Variants in CDH4 observed in about 807,000 individuals in gnomAD.
CDH4 encodes the protein cadherin 4, also known as cadherin-4.
Under a neutral mutation model 86.0 loss-of-function variants are expected in CDH4, and 33 were observed. That is an observed-to-expected ratio of 0.38 (90% CI 0.29 to 0.51). The LOEUF is 0.51. Ranked by LOEUF, CDH4 falls within the 20% of genes least tolerant of loss-of-function variation. The pLI is 0.86. For synonymous variants in CDH4, 555 were observed against 549.4 expected (o/e 1.01, Z -0.14); for missense variants, 1,114 against 1,307.4 (o/e 0.85, Z 2.28).
chr20:61,551,690 A>T (rs931470925), intron 2 of CDH4, among the ~76,000 whole-genome samples: 4 of 152,212 alleles, frequency 2.6e-5, no homozygotes, highest in African/African-American at 7.2e-5. Context: ...AGATGAAAAC[A>T]CACTACTGTG....
intron 2 of CDH4, among the ~76,000 whole-genome samples, chr20:61,382,739 C>T (rs1422231748): frequency 2.0e-5 from 3 of 152,120 alleles, no homozygotes; most frequent in South Asian, 2.1e-4. Context: ...TGGTTCTCCT[C>T]GGGTGCACCT....
intron 8 of CDH4, among the ~76,000 whole-genome samples, chr20:61,897,643 C>G (rs1406880): frequency 0.93 from 141,923 of 152,268 alleles, 66,597 homozygotes; most frequent in African/African-American, 0.99. Context: ...CCCTGGGGCT[C>G]CTCCTCCTGG....
intron 2 of CDH4, among the ~76,000 whole-genome samples, chr20:61,327,370 A>C (rs551788614): frequency 3.3e-5 from 5 of 152,174 alleles, no homozygotes; most frequent in Non-Finnish European, 5.9e-5. Flanking sequence ...CCCACAACTC[A>C]ATTTGGTGGA....
intron 2 of CDH4, among the ~76,000 whole-genome samples, chr20:61,305,576 C>A (rs1374517216): frequency 1.3e-5 from 2 of 152,232 alleles, no homozygotes; most frequent in African/African-American, 4.8e-5. Flanking sequence ...TCCCTTGATT[C>A]TTTTCAATTC....
intron 2 of CDH4, among the ~76,000 whole-genome samples, chr20:61,320,682 T>C (rs1384186451): frequency 6.6e-6 from 1 of 152,042 alleles, no homozygotes; most frequent in South Asian, 2.1e-4. Flanking sequence ...CAGAGAACCC[T>C]TCAGCCCCAG....
chr20:61,725,842 T>A (rs570463450), intron 2 of CDH4, among the ~76,000 whole-genome samples: 1 of 152,136 alleles, frequency 6.6e-6, no homozygotes, highest in Non-Finnish European at 1.5e-5. Flanking sequence ...CACCTGAGCC[T>A]TAATTGCAAG....
intron 2 of CDH4, among the ~76,000 whole-genome samples, chr20:61,649,725 G>C (rs574424696): frequency 1.3e-5 from 2 of 152,300 alleles, no homozygotes; most frequent in African/African-American, 4.8e-5. Flanking sequence ...AAGCGTTTGT[G>C]TTTGTGATTA....
At chr20:61,727,529 G>T (rs780443612) in intron 2 of CDH4, among the ~76,000 whole-genome samples, 16 of 152,284 alleles carry the variant, frequency 1.1e-4, no homozygotes, top group Non-Finnish European at 1.6e-4. Flanking sequence ...ACAACCTGAG[G>T]CTGGGTAATT....
At position 61,815,704 on chromosome 20, in the gene CDH4, G is replaced by A. The variant is rs779960358; in HGVS notation, c.577-28964G>A. Reference sequence around the variant, plus strand: ...TTGTGCTTTCGACGCCCGGAGGCCCGGCTGAGGGAGGTCCAGGCCAGAATT... The same window carrying A: ...TTGTGCTTTCGACGCCCGGAGGCCCAGCTGAGGGAGGTCCAGGCCAGAATT... On this transcript the variant is annotated intron_variant, in intron 4 of 15. Coordinates refer to ENST00000614565, the MANE Select transcript of CDH4 (RefSeq NM_001794.5). Among the ~76,000 whole-genome samples, 6 of 152,324 alleles carry A rather than the reference G, an allele frequency of 3.9e-5. No homozygotes were observed. The South Asian group carries it at 1.2e-3, about 32-fold the overall frequency.
At chr20:61,715,814 G>A (rs1390557799) in intron 2 of CDH4, among the ~76,000 whole-genome samples, 5 of 152,150 alleles carry the variant, frequency 3.3e-5, no homozygotes, top group East Asian at 3.8e-4. Context: ...GCAGCTTGCC[G>A]GCCCAGGTCC....
In CDH4 at chr20:61,923,722, G is replaced by C; in HGVS notation, c.1628+18G>C. 1 of 1,609,282 alleles carries C rather than the reference G, an allele frequency of 6.2e-7. No individual in the cohort carries two copies. Among genetic ancestry groups the C allele is most frequent in the African/African-American group, 1.3e-5 (1 of 75,014 alleles). On this transcript the variant is annotated intron_variant, in intron 10 of 15. Coordinates refer to ENST00000614565, the MANE Select transcript of CDH4 (RefSeq NM_001794.5). ...GCTGTGAGGTGGGTGCACAGGACATGCCTCGTCCCTGCCTGCAGCTTCCCA... is the reference window on the plus strand; with the variant it reads ...GCTGTGAGGTGGGTGCACAGGACATCCCTCGTCCCTGCCTGCAGCTTCCCA...
intron 2 of CDH4, among the ~76,000 whole-genome samples, chr20:61,626,662 GCTT>G (rs912012795): frequency 1.3e-5 from 2 of 152,182 alleles, no homozygotes; most frequent in African/African-American, 4.8e-5. Context: ...CAGCAGGTCT[GCTT>G]CTGCACCCAG....
At chr20:61,296,290 T>G (rs1312544229) in intron 2 of CDH4, among the ~76,000 whole-genome samples, 14 of 150,382 alleles carry the variant, frequency 9.3e-5, no homozygotes, top group Non-Finnish European at 1.6e-4. Flanking sequence ...GGTGCGTGTG[T>G]GTGTGTGCGT....
chr20:61,826,993 G>GTGTGTGTGTGTGTGTGTT, intron 4 of CDH4, among the ~76,000 whole-genome samples: 1 of 151,894 alleles, frequency 6.6e-6, no homozygotes, highest in Non-Finnish European at 1.5e-5. Flanking sequence ...GTGTGTGTGT[G>GTGTGTGTGTGTGTGTGTT]TGTGTGTGTG....
chr20:61,874,545 G>T (rs545281113), intron 7 of CDH4, among the ~76,000 whole-genome samples: 3 of 152,180 alleles, frequency 2.0e-5, no homozygotes, highest in African/African-American at 2.4e-5. Context: ...GGAGGCCCTG[G>T]GCGGTGGGTG....
intron 2 of CDH4, among the ~76,000 whole-genome samples, chr20:61,466,539 G>A (rs367714738): frequency 5.1e-4 from 77 of 152,238 alleles, no homozygotes; most frequent in Middle Eastern, 6.8e-3. Flanking sequence ...TGGTTCTGGT[G>A]CATTAAGAAT....
At chr20:61,401,571 G>A (rs546539234) in intron 2 of CDH4, among the ~76,000 whole-genome samples, 32 of 152,288 alleles carry the variant, frequency 2.1e-4, no homozygotes, top group African/African-American at 7.7e-4. Flanking sequence ...CTGGCTTCAG[G>A]TGTGGCTGGA....
At chr20:61,662,937 C>A (rs1000577513) in intron 2 of CDH4, among the ~76,000 whole-genome samples, 2 of 152,136 alleles carry the variant, frequency 1.3e-5, no homozygotes, top group Admixed American at 6.5e-5. Flanking sequence ...CCTGACTCAG[C>A]ACCCATCTCT....
rs543701610 is a variant in CDH4, at chr20:61,683,119, A to G, written c.170-60444A>G. Among the ~76,000 whole-genome samples, 23 of 151,792 alleles carry G rather than the reference A, an allele frequency of 1.5e-4. No homozygotes were observed. The South Asian group carries it at 4.6e-3, about 30-fold the overall frequency. On this transcript the variant is annotated intron_variant, in intron 2 of 15. Transcript: ENST00000614565. ...TGGCTGCTTATGGCTTTGATTCAAC[A>G]TTTTCTCCCTGGAATGTGTTTATGG...
Sources: gnomAD v4.1 joint callset for allele counts (sites outside exome capture counted in the v4.1 genomes callset) on GRCh38, gnomAD v4.1.1 for gene constraint, MANE v1.5 for transcripts, NCBI Gene and HGNC (gene_info 2026-07-23, HGNC 2026-07-21) for gene names.